MECOM: variants seen among roughly 807,000 people sequenced by gnomAD.
The protein encoded by MECOM is MDS1 and EVI1 complex locus, also known as histone-lysine N-methyltransferase MECOM.
In MECOM, 13 loss-of-function variants were observed where a neutral mutation model predicts 116.3. The observed-to-expected ratio is 0.11, with a 90% confidence interval of 0.07 to 0.18. MECOM has a LOEUF of 0.18. Among genes scored for constraint, MECOM ranks in the 10% least tolerant of loss-of-function variants. The probability of loss-of-function intolerance (pLI) is 1.00; values close to 1 mark genes in which losing one functional copy is unlikely to be tolerated. For missense variants in MECOM, 1,299 were observed against 1,509.0 expected (o/e 0.86, Z 2.31); for synonymous variants, 528 against 535.2 (o/e 0.99, Z 0.19).
intron 1 of MECOM, among the ~76,000 whole-genome samples, chr3:169,560,996 C>A: frequency 6.6e-6 from 1 of 151,460 alleles, no homozygotes; most frequent in East Asian, 1.9e-4. Context: ...TATCTCTAAT[C>A]AAAACTAGGG....
intron 1 of MECOM, among the ~76,000 whole-genome samples, chr3:169,496,619 G>A (rs1753849335): frequency 6.6e-6 from 1 of 152,158 alleles, no homozygotes; most frequent in Admixed American, 6.5e-5. Flanking sequence ...CCCTCTGGCT[G>A]GAGATAACCC....
At chr3:169,298,867 G>A (rs1716138666) in intron 2 of MECOM, among the ~76,000 whole-genome samples, 2 of 152,106 alleles carry the variant, frequency 1.3e-5, no homozygotes, top group African/African-American at 4.8e-5. Context: ...TGTCCTTTGG[G>A]TCCTGCCTCA....
At chr3:169,190,439 G>T (rs1244846023) in intron 2 of MECOM, among the ~76,000 whole-genome samples, 1 of 151,992 alleles carries the variant, frequency 6.6e-6, no homozygotes, top group African/African-American at 2.4e-5. Flanking sequence ...AGGAAACTCA[G>T]TGCCACTCTT....
intron 2 of MECOM, among the ~76,000 whole-genome samples, chr3:169,294,971 T>C (rs1311105740): frequency 2.0e-5 from 3 of 152,208 alleles, no homozygotes; most frequent in Admixed American, 2.0e-4. Context: ...GCTTTCTCGG[T>C]CTTTCTTCCT....
chr3:169,370,625 T>G (rs1280394972), intron 2 of MECOM, among the ~76,000 whole-genome samples: 2 of 151,850 alleles, frequency 1.3e-5, no homozygotes, highest in African/African-American at 4.8e-5. Flanking sequence ...AAACCATATA[T>G]CTGGTAAGGG....
intron 1 of MECOM, among the ~76,000 whole-genome samples, chr3:169,584,482 G>A (rs983333341): frequency 7.3e-5 from 11 of 151,306 alleles, no homozygotes; most frequent in South Asian, 4.2e-4. Flanking sequence ...GGAGAATGGC[G>A]TGAACCCAAG....
intron 2 of MECOM, among the ~76,000 whole-genome samples, chr3:169,266,994 C>A (rs1577524147): frequency 1.3e-5 from 2 of 152,174 alleles, no homozygotes; most frequent in East Asian, 1.9e-4. Flanking sequence ...GAGTAGTTAT[C>A]ATTGGGTGGA....
At chr3:169,640,041 G>C (rs555417883) in intron 1 of MECOM, among the ~76,000 whole-genome samples, 2 of 152,158 alleles carry the variant, frequency 1.3e-5, no homozygotes, top group African/African-American at 4.8e-5. Context: ...ACCACATGGT[G>C]AATCTTAAAA....
chr3:169,620,565 G>A (rs1359353775), intron 1 of MECOM, among the ~76,000 whole-genome samples: 2 of 152,164 alleles, frequency 1.3e-5, no homozygotes, highest in Non-Finnish European at 2.9e-5. Flanking sequence ...GTAAAATAAG[G>A]TGCTTGGTTC....
chr3:169,512,500 T>C (rs1323223884), intron 1 of MECOM, among the ~76,000 whole-genome samples: 2 of 152,198 alleles, frequency 1.3e-5, no homozygotes, highest in African/African-American at 2.4e-5. Context: ...TCCTCCCATC[T>C]TGGATAGAAG....
At chr3:169,318,721 G>A (rs1224064225) in intron 2 of MECOM, among the ~76,000 whole-genome samples, 1 of 152,068 alleles carries the variant, frequency 6.6e-6, no homozygotes, top group Non-Finnish European at 1.5e-5. Flanking sequence ...GATTCCTCCA[G>A]GATCTAAAAC....
At position 169,359,643 on chromosome 3, in the gene MECOM, T is replaced by G. The variant is rs1727865285; in HGVS notation, c.375+21544A>C. ...TCTACCTTTATATTGCTGACAATAT[T>G]CTATAGAATGAATATCTTCAAAGGA... On this transcript the variant is annotated intron_variant, in intron 2 of 16. Coordinates refer to ENST00000651503, the MANE Select transcript of MECOM (RefSeq NM_004991.4). Among the ~76,000 whole-genome samples the G allele has an allele frequency of 2.0e-5, 3 of 151,772 alleles. No individual in the cohort carries two copies. In the South Asian group the frequency reaches 6.2e-4, roughly 31 times the overall value.
At chr3:169,172,594 C>T (rs1357983988) in intron 2 of MECOM, among the ~76,000 whole-genome samples, 1 of 152,082 alleles carries the variant, frequency 6.6e-6, no homozygotes, top group East Asian at 1.9e-4. Context: ...GATATTTTGA[C>T]TATTGCAACT....
At chr3:169,548,082 A>G (rs1211851883) in intron 1 of MECOM, among the ~76,000 whole-genome samples, 2 of 152,206 alleles carry the variant, frequency 1.3e-5, no homozygotes, top group Admixed American at 1.3e-4. Context: ...CTTTCAGAAA[A>G]AATAAAATAT....
At chr3:169,593,429 C>CA (rs1365673192) in intron 1 of MECOM, among the ~76,000 whole-genome samples, 1 of 152,108 alleles carries the variant, frequency 6.6e-6, no homozygotes, top group Non-Finnish European at 1.5e-5. Context: ...ATAGAGGAAC[C>CA]ATTAGGGGTT....
At chr3:169,647,765 T>C (rs1399977197) in intron 1 of MECOM, among the ~76,000 whole-genome samples, 1 of 152,200 alleles carries the variant, frequency 6.6e-6, no homozygotes, top group African/African-American at 2.4e-5. Context: ...TGTCATCTTA[T>C]GTTAGCATTG....
At chr3:169,340,456 G>A (rs1315807220) in intron 2 of MECOM, among the ~76,000 whole-genome samples, 3 of 152,140 alleles carry the variant, frequency 2.0e-5, no homozygotes, top group African/African-American at 7.2e-5. Context: ...AAGTTAGATA[G>A]GATTATTTTT....
At chr3:169,551,554 T>C (rs1441269659) in intron 1 of MECOM, among the ~76,000 whole-genome samples, 2 of 152,222 alleles carry the variant, frequency 1.3e-5, no homozygotes, top group Non-Finnish European at 2.9e-5. Context: ...ATGACTTCTC[T>C]TTCATTTCCA....
chr3:169,111,690 A>G (rs962861325), intron 9 of MECOM, among the ~76,000 whole-genome samples: 3 of 152,122 alleles, frequency 2.0e-5, no homozygotes, highest in Non-Finnish European at 4.4e-5. Flanking sequence ...AAAGGGAGTG[A>G]GAGTTCTTTA....
Sources: gnomAD v4.1 joint callset for allele counts (sites outside exome capture counted in the v4.1 genomes callset) on GRCh38, gnomAD v4.1.1 for gene constraint, MANE v1.5 for transcripts, NCBI Gene and HGNC (gene_info 2026-07-23, HGNC 2026-07-21) for gene names.